Variants in MTURN observed in about 807,000 individuals in gnomAD.
The protein encoded by MTURN is maturin.
MTURN carries 7 observed loss-of-function variants against 14.9 expected under a neutral mutation model. The ratio of observed to expected loss-of-function variants is 0.47; its 90% CI spans 0.27 to 0.88. MTURN has a LOEUF of 0.88. MTURN is among the 40% of genes least tolerant of loss of function. The pLI is 0.14. For synonymous variants in MTURN, 69 were observed against 72.5 expected (o/e 0.95, Z 0.25); for missense variants, 151 against 174.1 (o/e 0.87, Z 0.75).
chr7:30,155,822 T>C (rs1343341987), intron 2 of MTURN, among the ~76,000 whole-genome samples: 1 of 152,190 alleles, frequency 6.6e-6, no homozygotes, highest in South Asian at 2.1e-4. Context: ...ATTATTTTCA[T>C]CAGGACTCTG....
intron 1 of MTURN, chr7:30,137,829 G>A (rs1200034465): frequency 2.8e-6 from 1 of 358,836 alleles, no homozygotes; most frequent in Non-Finnish European, 5.7e-6. Flanking sequence ...TTAGCAATAA[G>A]AATGTCTACA....
At chr7:30,137,290 G>C in intron 1 of MTURN, 1 of 215,004 alleles carries the variant, frequency 4.7e-6, no homozygotes, top group Non-Finnish European at 9.7e-6. Context: ...GGATTTCACT[G>C]GGGAGAAGCC....
chr7:30,146,355 G>T, intron 2 of MTURN, 56 bp downstream of exon 2: 1 of 1,603,646 alleles, frequency 6.2e-7, no homozygotes, highest in South Asian at 1.1e-5. Context: ...ATTGTGTTTA[G>T]AATAACAGGG....
chr7:30,147,293 G>A (rs1034939673), intron 2 of MTURN, among the ~76,000 whole-genome samples: 6 of 152,336 alleles, frequency 3.9e-5, no homozygotes, highest in African/African-American at 1.4e-4. Flanking sequence ...TAGGAATAAA[G>A]TGAGGCCTGA....
At chr7:30,140,409 G>GTA (rs1471301493) in intron 1 of MTURN, among the ~76,000 whole-genome samples, 1 of 25,440 alleles carries the variant, frequency 3.9e-5, no homozygotes, top group Non-Finnish European at 1.3e-4. Context: ...GTGTGTGTGT[G>GTA]TGTGTGTATC....
At chr7:30,137,555 A>T in intron 1 of MTURN, 2 of 468,164 alleles carry the variant, frequency 4.3e-6, no homozygotes, top group South Asian at 3.1e-5. Context: ...AATAGAATAG[A>T]TAGAAAGATA....
rs141292370 is a variant in MTURN at position 30,143,719 on chromosome 7, G to A, written c.163-2458G>A. 2.4e-4 allele frequency among the ~76,000 whole-genome samples: 36 copies of A among 152,266 alleles called. 1 individual carries two copies. Among genetic ancestry groups the A allele is most frequent in the East Asian group, 1.2e-3 (6 of 5,178 alleles). On this transcript the variant is annotated intron_variant, in intron 1 of 2. Transcript: ENST00000324453. ...GTATTAAGTCTTCCTTCAACATATA[G>A]TCCTAAATTGCTCTAAAAGGAGAGT...
rs114165907 is a variant in MTURN at position 30,138,230 on chromosome 7, G to A, written c.162+2932G>A. Among the ~76,000 whole-genome samples the A allele has an allele frequency of 5.6e-3, 856 of 152,066 alleles. 10 individuals are homozygous for A. The highest frequency in any genetic ancestry group is 0.019 in the African/African-American group (802 of 41,462). On this transcript the variant is annotated intron_variant, in intron 1 of 2. Coordinates refer to ENST00000324453, the MANE Select transcript of MTURN (RefSeq NM_152793.3). Reference sequence around the variant, plus strand: ...TCCCGGGTTCAAGTGATTCTTGTGCGTCAGCCTCTCCAGTAGCTGGGATTA... The same window carrying A: ...TCCCGGGTTCAAGTGATTCTTGTGCATCAGCCTCTCCAGTAGCTGGGATTA...
chr7:30,143,402 T>C (rs1421342315), intron 1 of MTURN, among the ~76,000 whole-genome samples: 1 of 151,844 alleles, frequency 6.6e-6, no homozygotes, highest in Non-Finnish European at 1.5e-5. Context: ...TAGTTCATTT[T>C]GTCTTGTATC....
At chr7:30,153,293 A>G (rs897040219) in intron 2 of MTURN, among the ~76,000 whole-genome samples, 1 of 152,184 alleles carries the variant, frequency 6.6e-6, no homozygotes, top group African/African-American at 2.4e-5. Flanking sequence ...TCTGTAAGAT[A>G]TGTCCCTTAG....
chr7:30,139,784 C>T (rs113238745), intron 1 of MTURN, among the ~76,000 whole-genome samples: 2 of 152,270 alleles, frequency 1.3e-5, no homozygotes, highest in African/African-American at 4.8e-5. Context: ...CTCTATCTCG[C>T]TCCACAGGCC....
chr7:30,139,336 A>G (rs1797013419), intron 1 of MTURN, among the ~76,000 whole-genome samples: 1 of 152,192 alleles, frequency 6.6e-6, no homozygotes, highest in Admixed American at 6.6e-5. Context: ...TATAATCTCT[A>G]TAATTATCTC....
At chr7:30,137,233 T>TCTCCCTC (rs1796977993) in intron 1 of MTURN, 1 of 164,486 alleles carries the variant, frequency 6.1e-6, no homozygotes, top group Non-Finnish European at 1.3e-5. Context: ...CAGCGCCCTT[T>TCTCCCTC]CTCCCTCCTG....
chr7:30,147,780 G>C (rs1001361402), intron 2 of MTURN, among the ~76,000 whole-genome samples: 1 of 152,142 alleles, frequency 6.6e-6, no homozygotes, highest in African/African-American at 2.4e-5. Flanking sequence ...TTGTCACTCT[G>C]ATTTGCTTAA....
At chr7:30,137,238 C>T (rs193276544) in intron 1 of MTURN, 47 of 171,580 alleles carry the variant, frequency 2.7e-4, no homozygotes, top group Admixed American at 1.1e-3. Context: ...CCCTTTCTCC[C>T]TCCTGACCGT....
At chr7:30,136,821 C>T (rs1413683939) in intron 1 of MTURN, among the ~76,000 whole-genome samples, 23 of 152,112 alleles carry the variant, frequency 1.5e-4, no homozygotes, top group Admixed American at 1.5e-3. Flanking sequence ...ATGCCAGCAC[C>T]CAGGCGTTCA....
chr7:30,151,223 C>T (rs898135527), intron 2 of MTURN, among the ~76,000 whole-genome samples: 1 of 152,198 alleles, frequency 6.6e-6, no homozygotes, highest in Admixed American at 6.5e-5. Context: ...CACATGTATG[C>T]ACATGACAAT....
At chr7:30,153,663 G>A (rs1203204587) in intron 2 of MTURN, among the ~76,000 whole-genome samples, 3 of 152,214 alleles carry the variant, frequency 2.0e-5, no homozygotes, top group Admixed American at 6.5e-5. Flanking sequence ...AGGAGTTAAT[G>A]TGTGTAATTC....
At position 30,160,869 on chromosome 7, in the gene MTURN, C is replaced by G. The variant is rs1797364099; in HGVS notation, c.*3321C>G. On this transcript the variant is annotated 3_prime_UTR_variant, in exon 3 of 3. Transcript: ENST00000324453. ...GGATTCACCTGCACTCAGGTGTCCA[C>G]TCCTGTCTCCCAGGCCCAAAGCAGC... is the stretch of plus-strand genomic sequence containing the variant. The G allele has an allele frequency of 6.6e-6, 1 of 152,438 alleles. No individual in the cohort carries two copies. Among genetic ancestry groups the G allele is most frequent in the East Asian group, 1.9e-4 (1 of 5,186 alleles). The allele number at this position is 152,438 out of a possible 1,614,324, so 9.4% of individuals were successfully genotyped here.
Sources: gnomAD v4.1 joint callset for allele counts (sites outside exome capture counted in the v4.1 genomes callset) on GRCh38, gnomAD v4.1.1 for gene constraint, MANE v1.5 for transcripts, NCBI Gene and HGNC (gene_info 2026-07-23, HGNC 2026-07-21) for gene names.